The following PSTPIP1 variants were observed in gnomAD, a reference collection of about 807,000 sequenced individuals.
PSTPIP1 encodes proline-serine-threonine phosphatase-interacting protein 1.
A neutral mutation model predicts 69.6 loss-of-function variants in PSTPIP1; 66 were observed. The ratio of observed to expected loss-of-function variants is 0.95; its 90% CI spans 0.78 to 1.16. The LOEUF (loss-of-function observed/expected upper bound fraction) is 1.16, where lower values mean the gene tolerates loss of function less well. Ranked by LOEUF, PSTPIP1 falls within the 50% of genes most tolerant of loss-of-function variation. The probability of loss-of-function intolerance (pLI) is 0.00; values close to 1 mark genes in which losing one functional copy is unlikely to be tolerated. For synonymous variants in PSTPIP1, 266 were observed against 222.7 expected (o/e 1.19, Z -1.73); for missense variants, 603 against 557.4 (o/e 1.08, Z -0.82).
intron 5 of PSTPIP1, among the ~76,000 whole-genome samples, chr15:77,026,669 C>A (rs913971200): frequency 6.6e-6 from 1 of 152,246 alleles, no homozygotes; most frequent in Non-Finnish European, 1.5e-5. Context: ...GCGTGGCTGC[C>A]CGTGCCACCT....
chr15:77,016,717 G>A (rs2076059806), intron 1 of PSTPIP1, among the ~76,000 whole-genome samples: 1 of 151,948 alleles, frequency 6.6e-6, no homozygotes, highest in African/African-American at 2.4e-5. Flanking sequence ...CACTGTTGGG[G>A]CAATTTATGC....
chr15:77,010,581 G>A (rs978076892), intron 1 of PSTPIP1, among the ~76,000 whole-genome samples: 22 of 152,132 alleles, frequency 1.4e-4, no homozygotes, highest in Admixed American at 7.2e-4. Context: ...TCTGAGGGGC[G>A]TGTCTCCATC....
At chr15:77,023,392 G>A (rs1171983818) in intron 3 of PSTPIP1, among the ~76,000 whole-genome samples, 1 of 152,234 alleles carries the variant, frequency 6.6e-6, no homozygotes, top group African/African-American at 2.4e-5. Context: ...GAAGCAACGG[G>A]CGGAGGGGCA....
chr15:77,027,618 C>A lies in PSTPIP1; in HGVS notation c.355-234C>A. The A allele has an allele frequency of 1.8e-6, 1 of 560,288 alleles. No individual in the cohort carries two copies. The highest frequency in any genetic ancestry group is 1.7e-5 in the South Asian group (1 of 57,542). The allele number at this position is 560,288 out of a possible 1,614,324, so 34.7% of individuals were successfully genotyped here. On this transcript the variant is annotated intron_variant, in intron 5 of 14. Coordinates refer to ENST00000558012, the MANE Select transcript of PSTPIP1 (RefSeq NM_003978.5). The surrounding 1 kb of genome is among the most constrained non-coding windows in gnomAD (Gnocchi z 4.3). ...TCCCCAGCTGGAGACGAAGCTCTGG[C>A]CAAGGTCTGCAGCAAGGACCTCACG...
At chr15:77,005,849 C>T (rs1369302531) in intron 1 of PSTPIP1, among the ~76,000 whole-genome samples, 1 of 152,228 alleles carries the variant, frequency 6.6e-6, no homozygotes, top group Non-Finnish European at 1.5e-5. Context: ...AAATACTATT[C>T]CATTCTACGT....
In PSTPIP1 at chr15:77,025,560, A is replaced by T; in HGVS notation, c.310A>T (p.Ser104Cys). 6.4e-7 allele frequency: 1 copy of T among 1,553,166 alleles called. No individual in the cohort carries two copies. Among genetic ancestry groups the T allele is most frequent in the Non-Finnish European group, 8.7e-7 (1 of 1,147,774 alleles). ...LALTLREELR[S>C]LEEFRERQKE... ...CCTGACCCTGCGTGAGGAGCTGCGGAGTCTCGAGGAGTTTCGTGAGAGGCA... is the reference window on the plus strand; with the variant it reads ...CCTGACCCTGCGTGAGGAGCTGCGGTGTCTCGAGGAGTTTCGTGAGAGGCA... The change falls in exon 5 of 15, where the codon AGT becomes TGT. Residue 104 changes from serine (S) to cysteine (C), a missense_variant. Physicochemically the swap from Ser to Cys is moderately radical, Grantham distance 112. Transcript: ENST00000558012.
Position 77,037,283 on chromosome 15 carries a change from G to A in PSTPIP1, c.*107G>A, listed in dbSNP as rs564708944. 86 of 1,414,476 alleles carry A rather than the reference G, an allele frequency of 6.1e-5. 1 individual carries two copies. The Middle Eastern group carries it at 7.5e-4, about 12-fold the overall frequency. 87.6% of individuals were successfully genotyped at this position (1,414,476 alleles called of 1,614,324 possible). ...CCAGAACCAAGCGTCCCCCAGCCCCGAGAGGGAGCCTGTCGTCTCCCAGGG... is the reference window on the plus strand; with the variant it reads ...CCAGAACCAAGCGTCCCCCAGCCCCAAGAGGGAGCCTGTCGTCTCCCAGGG... On this transcript the variant is annotated 3_prime_UTR_variant, in exon 15 of 15. Transcript: ENST00000558012.
chr15:77,032,185 C>T (rs897729653), intron 10 of PSTPIP1, 113 bp from the exon 11 acceptor site: 30 of 1,037,418 alleles, frequency 2.9e-5, no homozygotes, highest in Non-Finnish European at 3.4e-5. Flanking sequence ...GACCCCGAGC[C>T]GCGCACAATG....
intron 1 of PSTPIP1, among the ~76,000 whole-genome samples, chr15:76,996,803 G>T (rs1288385554): frequency 1.3e-5 from 2 of 152,242 alleles, no homozygotes; most frequent in Non-Finnish European, 2.9e-5. Flanking sequence ...AGGCAGAGCT[G>T]CCTCAGCCCA....
intron 1 of PSTPIP1, among the ~76,000 whole-genome samples, chr15:77,007,151 T>C (rs1313606039): frequency 6.6e-6 from 1 of 152,162 alleles, no homozygotes; most frequent in African/African-American, 2.4e-5. Context: ...AGAAGGTCCA[T>C]CTATGACATC....
intron 1 of PSTPIP1, among the ~76,000 whole-genome samples, chr15:76,996,681 A>G (rs1486332648): frequency 2.0e-5 from 3 of 152,112 alleles, no homozygotes; most frequent in Admixed American, 2.0e-4. Flanking sequence ...CTCTGCTCTG[A>G]CTGTACAGTA....
intron 1 of PSTPIP1, among the ~76,000 whole-genome samples, chr15:77,000,909 C>T (rs1055318642): frequency 6.6e-6 from 1 of 152,022 alleles, no homozygotes; most frequent in African/African-American, 2.4e-5. Context: ...ATAAAATGTA[C>T]CATCTTAACC....
intron 1 of PSTPIP1, among the ~76,000 whole-genome samples, chr15:77,004,859 A>AAAAC (rs919279347): frequency 1.5e-4 from 22 of 150,066 alleles, no homozygotes; most frequent in Middle Eastern, 3.4e-3. Context: ...AGACTGTCTC[A>AAAAC]AAACAAACAA....
intron 12 of PSTPIP1, among the ~76,000 whole-genome samples, chr15:77,034,238 C>CA (rs1361612585): frequency 3.3e-5 from 5 of 152,074 alleles, no homozygotes; most frequent in Non-Finnish European, 5.9e-5. Context: ...AAGCCCTGCA[C>CA]CCCTTTCCCC....
chr15:77,035,523 G>T lies in PSTPIP1; in HGVS notation c.945G>T (p.Leu315=). 1 of 1,592,404 alleles carries T rather than the reference G, an allele frequency of 6.3e-7. No individual in the cohort carries two copies. Among genetic ancestry groups the T allele is most frequent in the Non-Finnish European group, 8.5e-7 (1 of 1,169,950 alleles). Residue 315 remains leucine, a synonymous_variant, in exon 13 of 15, where the codon CTG becomes CTT. Coordinates refer to ENST00000558012, the MANE Select transcript of PSTPIP1 (RefSeq NM_003978.5). Reference sequence around the variant, plus strand: ...CTGTTCCCAGGTTCTCTGGACTGCTGCACGGAAGTCCCAAGACCACTTCGT... The same window carrying T: ...CTGTTCCCAGGTTCTCTGGACTGCTTCACGGAAGTCCCAAGACCACTTCGT... ...CGMIKRFSGL[L]HGSPKTTSLA...
chr15:77,019,405 C>T (rs2076118329), intron 3 of PSTPIP1, among the ~76,000 whole-genome samples: 1 of 152,216 alleles, frequency 6.6e-6, no homozygotes, highest in Admixed American at 6.5e-5. Flanking sequence ...CCTTCCCTTC[C>T]TGCCTTCTCC....
intron 1 of PSTPIP1, among the ~76,000 whole-genome samples, chr15:77,012,213 C>T (rs2075956714): frequency 6.8e-6 from 1 of 146,198 alleles, no homozygotes; most frequent in African/African-American, 2.5e-5. Flanking sequence ...ATCCATCCGT[C>T]CACCCATCTG....
rs1217484949 is a variant in PSTPIP1, at chr15:76,995,307, C to G, written c.-267C>G. On this transcript the variant is annotated 5_prime_UTR_variant, in exon 1 of 15. Transcript: ENST00000558012. ...GGTCGGTGAGGGGCTGGGCTGGACA[C>G]CAGGGCCCGCCCTCCCATCACTGAG... 5 of 1,378,362 alleles carry G rather than the reference C, an allele frequency of 3.6e-6. No homozygotes were observed. The East Asian group carries it at 8.5e-5, about 23-fold the overall frequency. The allele number at this position is 1,378,362 out of a possible 1,614,324, so 85.4% of individuals were successfully genotyped here. A position where few individuals can be genotyped will look rare whatever the true frequency, so the allele number is the denominator to read the frequency against.
At position 77,021,843 on chromosome 15, in the gene PSTPIP1, C is replaced by G. The variant is rs190417422; in HGVS notation, c.212+3312C>G. Among the ~76,000 whole-genome samples the G allele has an allele frequency of 1.9e-3, 289 of 152,332 alleles. 1 individual carries two copies. Among genetic ancestry groups the G allele is most frequent in the African/African-American group, 6.8e-3 (282 of 41,564 alleles). ...GCCCAGTCCCACCCATCCCTCAAGG[C>G]CTGCCTGAAATGTCACCTCCCTCAG... On this transcript the variant is annotated intron_variant, in intron 3 of 14. Coordinates refer to ENST00000558012, the MANE Select transcript of PSTPIP1 (RefSeq NM_003978.5).
Sources: allele counts gnomAD v4.1 joint callset (sites outside exome capture counted in the v4.1 genomes callset), GRCh38; gene constraint gnomAD v4.1.1; non-coding constraint Gnocchi (gnomAD v3.1); transcripts MANE v1.5; gene names NCBI Gene and HGNC (gene_info 2026-07-23, HGNC 2026-07-21).